Variants in CLYBL observed in about 807,000 individuals in gnomAD.
CLYBL encodes the protein citramalyl-CoA lyase, mitochondrial.
In CLYBL, 31 loss-of-function variants were observed where a neutral mutation model predicts 38.9. The observed-to-expected ratio is 0.80, with a 90% CI of 0.60 to 1.08. CLYBL has a LOEUF of 1.08. Among genes scored for constraint, CLYBL ranks in the 50% least tolerant of loss-of-function variants. CLYBL has a pLI of 0.00. For missense variants in CLYBL, 434 were observed against 411.6 expected (o/e 1.05, Z -0.47); for synonymous variants, 171 against 158.6 (o/e 1.08, Z -0.59).
intron 1 of CLYBL, among the ~76,000 whole-genome samples, chr13:99,772,550 T>A (rs1296265460): frequency 7.2e-5 from 11 of 151,788 alleles, no homozygotes; most frequent in Non-Finnish European, 1.6e-4. Context: ...TACAAAAAAT[T>A]AGCCAGGCAT....
intron 1 of CLYBL, among the ~76,000 whole-genome samples, chr13:99,607,457 G>A (rs2046545309): frequency 6.6e-6 from 1 of 152,192 alleles, no homozygotes; most frequent in African/African-American, 2.4e-5. Context: ...AGTTGGGAAA[G>A]GGAGGACCAA....
chr13:99,801,041 T>G (rs9554639), intron 2 of CLYBL, among the ~76,000 whole-genome samples: 24,394 of 152,052 alleles, frequency 0.16, 2,500 homozygotes, highest in East Asian at 0.37. Flanking sequence ...GGAGCAGCTC[T>G]GAGGGTGTAA....
intron 1 of CLYBL, among the ~76,000 whole-genome samples, chr13:99,710,031 C>T (rs1046091955): frequency 2.0e-5 from 3 of 147,274 alleles, no homozygotes; most frequent in African/African-American, 7.5e-5. Context: ...TCACGCCATT[C>T]TCCTGCCTCA....
chr13:99,614,529 G>T (rs946567366), intron 1 of CLYBL, among the ~76,000 whole-genome samples: 1 of 152,096 alleles, frequency 6.6e-6, no homozygotes, highest in African/African-American at 2.4e-5. Flanking sequence ...GGCTGTGGTG[G>T]CTGGGCCCGA....
chr13:99,853,294 C>T lies in CLYBL; in HGVS notation c.250-5567C>T, dbSNP rs951023974. ...TATAAGCTACCCATCTATACACATC[C>T]TCAGCCTTCTTAGTCTTTTGAATGA... On this transcript the variant is annotated intron_variant, in intron 2 of 8. Coordinates refer to ENST00000339105, the MANE Select transcript of CLYBL (RefSeq NM_206808.5). 2.6e-5 allele frequency among the ~76,000 whole-genome samples: 4 copies of T among 151,976 alleles called. 1 individual carries two copies. Among genetic ancestry groups the T allele is most frequent in the Admixed American group, 2.0e-4 (3 of 15,254 alleles).
At chr13:99,897,165 T>C (rs1489073394), downstream of CLYBL, 1 of 152,250 alleles carries the variant, frequency 6.6e-6, no homozygotes, top group Non-Finnish European at 1.5e-5. Flanking sequence ...TTTTTCCATC[T>C]TTCATCTCCC....
At chr13:99,631,404 T>C (rs2046943129) in intron 1 of CLYBL, among the ~76,000 whole-genome samples, 1 of 151,868 alleles carries the variant, frequency 6.6e-6, no homozygotes, top group South Asian at 2.1e-4. Flanking sequence ...ATATATAATA[T>C]ATACATATAT....
intron 1 of CLYBL, among the ~76,000 whole-genome samples, chr13:99,624,419 T>C (rs994329001): frequency 6.6e-6 from 1 of 152,222 alleles, no homozygotes; most frequent in African/African-American, 2.4e-5. Flanking sequence ...TGTGGGTGTA[T>C]GTATGTTTTC....
At chr13:99,643,766 G>T (rs1438636355) in intron 1 of CLYBL, among the ~76,000 whole-genome samples, 1 of 152,074 alleles carries the variant, frequency 6.6e-6, no homozygotes, top group Non-Finnish European at 1.5e-5. Context: ...CCAGCACTTT[G>T]GGAGGCTGAG....
At chr13:99,747,706 C>T (rs1368865776) in intron 1 of CLYBL, among the ~76,000 whole-genome samples, 2 of 152,150 alleles carry the variant, frequency 1.3e-5, no homozygotes, top group African/African-American at 4.8e-5. Flanking sequence ...TGTGTGGCCT[C>T]ACAAGGCAGA....
chr13:99,672,058 T>C (rs1300623910), intron 1 of CLYBL, among the ~76,000 whole-genome samples: 3 of 152,200 alleles, frequency 2.0e-5, no homozygotes, highest in Non-Finnish European at 4.4e-5. Flanking sequence ...ATCTTTTTGT[T>C]GATGATACAG....
At chr13:99,749,247 G>A (rs1412237213) in intron 1 of CLYBL, among the ~76,000 whole-genome samples, 1 of 151,992 alleles carries the variant, frequency 6.6e-6, no homozygotes. Context: ...AACGTCCCTC[G>A]CCCCTGGTGT....
chr13:99,845,214 G>A (rs1441998295), intron 2 of CLYBL, among the ~76,000 whole-genome samples: 5 of 152,260 alleles, frequency 3.3e-5, no homozygotes, highest in Admixed American at 2.0e-4. Flanking sequence ...TAGAGAAGCC[G>A]TTGAACGTCC....
intron 1 of CLYBL, among the ~76,000 whole-genome samples, chr13:99,646,404 A>G (rs935798657): frequency 3.3e-5 from 5 of 151,916 alleles, no homozygotes; most frequent in African/African-American, 1.2e-4. Flanking sequence ...CAAAGGGTGA[A>G]TGTCTGTGCT....
In CLYBL at chr13:99,865,431, TTCACCGATTC is replaced by T. The variant is rs2051717116; in HGVS notation, c.634+526_634+535del. Among the ~76,000 whole-genome samples, 1 of 152,198 alleles carries T rather than the reference TTCACCGATTC, an allele frequency of 6.6e-6. No individual in the cohort carries two copies. The highest frequency in any genetic ancestry group is 2.4e-5 in the African/African-American group (1 of 41,444). On this transcript the variant is annotated intron_variant, in intron 5 of 8. Coordinates refer to ENST00000339105, the MANE Select transcript of CLYBL (RefSeq NM_206808.5). The surrounding 1 kb of genome is among the most constrained non-coding windows in gnomAD (Gnocchi z 4.7). ...ACTCTTAGTATTAAATGTGCTGATTTTCACCGATTCTCACCATCCCTTGTGAGCTGCACTT... is the reference window on the plus strand; with the variant it reads ...ACTCTTAGTATTAAATGTGCTGATTTTCACCATCCCTTGTGAGCTGCACTT...
rs117421261 is a variant in CLYBL at position 99,813,212 on chromosome 13, C to A, written c.249+40202C>A. On this transcript the variant is annotated intron_variant, in intron 2 of 8. Coordinates refer to ENST00000339105, the MANE Select transcript of CLYBL (RefSeq NM_206808.5). ...AAATGATCCTGACCTTAATGGGGGT[C>A]CCATGCCTGAGAACATGGCCCTTGG... Among the ~76,000 whole-genome samples, 45 of 152,204 alleles carry A rather than the reference C, an allele frequency of 3.0e-4. No individual in the cohort carries two copies. In the East Asian group the frequency reaches 8.7e-3, roughly 29 times the overall value.
At chr13:99,681,650 G>A (rs4772231) in intron 1 of CLYBL, among the ~76,000 whole-genome samples, 75,677 of 151,918 alleles carry the variant, frequency 0.5, 20,019 homozygotes, top group African/African-American at 0.68. Context: ...TCAGTGGCAC[G>A]GTCTCGGCTC....
intron 1 of CLYBL, among the ~76,000 whole-genome samples, chr13:99,668,177 G>A (rs2047510556): frequency 6.6e-6 from 1 of 152,150 alleles, no homozygotes; most frequent in African/African-American, 2.4e-5. Context: ...GGGAGGCTGG[G>A]GTGGGAGGAT....
At chr13:99,612,392 T>TTTTC in intron 1 of CLYBL, among the ~76,000 whole-genome samples, 1 of 146,446 alleles carries the variant, frequency 6.8e-6, no homozygotes, top group East Asian at 2.0e-4. Context: ...TCTACTTTTT[T>TTTTC]TTTTTTTTTT....
Sources: gnomAD v4.1 joint callset for allele counts (sites outside exome capture counted in the v4.1 genomes callset) on GRCh38, gnomAD v4.1.1 for gene constraint, Gnocchi (gnomAD v3.1) non-coding constraint, MANE v1.5 for transcripts, NCBI Gene and HGNC (gene_info 2026-07-23, HGNC 2026-07-21) for gene names.